The following PIP5K1B variants were observed in gnomAD, a reference collection of about 807,000 sequenced individuals.
PIP5K1B encodes the protein phosphatidylinositol-4-phosphate 5-kinase type 1 beta.
A neutral mutation model predicts 67.0 loss-of-function variants in PIP5K1B; 42 were observed. The observed-to-expected ratio is 0.63, with a 90% CI of 0.49 to 0.81. PIP5K1B has a LOEUF of 0.81. Among genes scored for constraint, PIP5K1B ranks in the 30% least tolerant of loss-of-function variants. The probability of loss-of-function intolerance (pLI) is 0.00; values close to 1 mark genes in which losing one functional copy is unlikely to be tolerated. For missense variants in PIP5K1B, 459 were observed against 646.3 expected (o/e 0.71, Z 3.14); for synonymous variants, 214 against 231.4 (o/e 0.92, Z 0.68).
chr9:68,929,258 T>G (rs979782995), intron 12 of PIP5K1B, among the ~76,000 whole-genome samples: 3 of 152,130 alleles, frequency 2.0e-5, no homozygotes, highest in African/African-American at 7.2e-5. Flanking sequence ...ATTGTAATTT[T>G]TATTTGTTGA....
intron 2 of PIP5K1B, among the ~76,000 whole-genome samples, chr9:68,794,714 T>C (rs886561769): frequency 6.9e-6 from 1 of 144,122 alleles, no homozygotes; most frequent in African/African-American, 2.5e-5. Context: ...AAAAAAAAAA[T>C]AGTTCATTGT....
At chr9:68,711,068 A>G (rs1827368817) in intron 1 of PIP5K1B, among the ~76,000 whole-genome samples, 1 of 152,210 alleles carries the variant, frequency 6.6e-6, no homozygotes, top group Non-Finnish European at 1.5e-5. Flanking sequence ...AGGACTGCAG[A>G]AAGTTCATTC....
chr9:68,894,644 G>C lies in PIP5K1B; in HGVS notation c.771+6G>C. 1.2e-6 allele frequency: 2 copies of C among 1,612,234 alleles called. No individual in the cohort carries two copies. Among genetic ancestry groups the C allele is most frequent in the Non-Finnish European group, 1.7e-6 (2 of 1,178,648 alleles). ...CACTTCAGAGAGACTGCCGGGTAAG[G>C]AAGTTTGATTGTTGTGATTTCCTTT... On this transcript the variant is annotated splice_donor_region_variant and intron_variant, in intron 8 of 15. Coordinates refer to ENST00000265382, the MANE Select transcript of PIP5K1B (RefSeq NM_003558.4).
intron 14 of PIP5K1B, among the ~76,000 whole-genome samples, chr9:68,942,051 A>G (rs569099538): frequency 5.2e-4 from 79 of 152,256 alleles, no homozygotes; most frequent in Middle Eastern, 3.4e-3. Flanking sequence ...AAATTATTTA[A>G]CTCATCTAAA....
intron 2 of PIP5K1B, among the ~76,000 whole-genome samples, chr9:68,776,818 G>A (rs1314379856): frequency 1.3e-5 from 2 of 152,094 alleles, no homozygotes; most frequent in African/African-American, 2.4e-5. Context: ...GAGGTTCCTT[G>A]GATCCTGCCT....
At chr9:68,941,973 C>T (rs959268563) in intron 14 of PIP5K1B, among the ~76,000 whole-genome samples, 24 of 152,104 alleles carry the variant, frequency 1.6e-4, no homozygotes, top group African/African-American at 4.8e-4. Flanking sequence ...CAAGGTGAGC[C>T]GCAAATCTTA....
rs541063143 is a variant in PIP5K1B at position 68,723,189 on chromosome 9, A to G, written c.-243+17427A>G. Among the ~76,000 whole-genome samples the G allele has an allele frequency of 9.4e-5, 3 of 31,922 alleles. No individual in the cohort carries two copies. In the East Asian group the frequency reaches 5.8e-3, roughly 62 times the overall value. The allele number at this position is 31,922 out of a possible 152,430, so 20.9% of individuals were successfully genotyped here. A position where few individuals can be genotyped will look rare whatever the true frequency, so the allele number is the denominator to read the frequency against. The stretch of plus-strand genomic sequence containing the variant: ...GTGTGTGTGTGTGTGTGAGAGAGAG[A>G]GAGAGAGAGGGAGAGAGAGAGAGAG... On this transcript the variant is annotated intron_variant, in intron 1 of 15. Coordinates refer to ENST00000265382, the MANE Select transcript of PIP5K1B (RefSeq NM_003558.4).
chr9:68,714,873 A>C (rs949435090), intron 1 of PIP5K1B, among the ~76,000 whole-genome samples: 2 of 152,192 alleles, frequency 1.3e-5, no homozygotes, highest in African/African-American at 2.4e-5. Flanking sequence ...GCAGTTCCCA[A>C]GGTGCACTCC....
intron 2 of PIP5K1B, among the ~76,000 whole-genome samples, chr9:68,809,063 C>A (rs1287360078): frequency 7.9e-5 from 12 of 152,274 alleles, no homozygotes. Context: ...ATTTAACATA[C>A]AGATTTTCTG....
chr9:68,987,060 C>T (rs908159159), intron 14 of PIP5K1B, among the ~76,000 whole-genome samples: 2 of 152,080 alleles, frequency 1.3e-5, no homozygotes, highest in African/African-American at 2.4e-5. Flanking sequence ...CAAGACCAGC[C>T]TGGCCAATAT....
intron 14 of PIP5K1B, among the ~76,000 whole-genome samples, chr9:68,990,925 G>A (rs930061893): frequency 1.3e-5 from 2 of 152,100 alleles, no homozygotes; most frequent in Non-Finnish European, 2.9e-5. Flanking sequence ...GCCTCCCAAA[G>A]TCCTGGGATT....
At chr9:68,945,177 G>A (rs144095479) in intron 14 of PIP5K1B, among the ~76,000 whole-genome samples, 164 of 151,686 alleles carry the variant, frequency 1.1e-3, no homozygotes, top group Non-Finnish European at 1.9e-3. Context: ...AGAGAGTCTC[G>A]CGCTGTGGCC....
chr9:68,790,331 C>T (rs904323449), intron 2 of PIP5K1B, among the ~76,000 whole-genome samples: 30 of 152,290 alleles, frequency 2.0e-4, no homozygotes, highest in African/African-American at 5.5e-4. Flanking sequence ...TGAAAACATT[C>T]CAGAATTGGT....
At chr9:68,782,591 C>G (rs934608540) in intron 2 of PIP5K1B, 1 of 167,054 alleles carries the variant, frequency 6.0e-6, no homozygotes, top group Admixed American at 6.5e-5. Context: ...ATTTTTACAA[C>G]TATGAGAGTA....
chr9:68,921,996 T>A (rs924099916), intron 11 of PIP5K1B, among the ~76,000 whole-genome samples: 7 of 152,244 alleles, frequency 4.6e-5, no homozygotes, highest in African/African-American at 1.7e-4. Flanking sequence ...TGTTTATTCA[T>A]GCCAAAGCGA....
intron 1 of PIP5K1B, among the ~76,000 whole-genome samples, chr9:68,733,361 CTGTT>C (rs1397885197): frequency 1.3e-5 from 2 of 152,168 alleles, no homozygotes; most frequent in African/African-American, 2.4e-5. Flanking sequence ...TCGTTTTTCT[CTGTT>C]TGTTCATTTT....
chr9:68,749,104 T>C (rs984550354), intron 2 of PIP5K1B, among the ~76,000 whole-genome samples: 2 of 152,220 alleles, frequency 1.3e-5, no homozygotes, highest in Non-Finnish European at 2.9e-5. Context: ...CCCCCAAAGA[T>C]ATCCACATCC....
In PIP5K1B at chr9:68,796,125, C is replaced by T. The variant is rs555059714; in HGVS notation, c.-85-22336C>T. ...CTAAATATGTATATGTGATTTCATA[C>T]GGTGATAGCATCCTGCTGTATATTC... On this transcript the variant is annotated intron_variant, in intron 2 of 15. Coordinates refer to ENST00000265382, the MANE Select transcript of PIP5K1B (RefSeq NM_003558.4). 2.0e-5 allele frequency among the ~76,000 whole-genome samples: 3 copies of T among 152,252 alleles called. No individual in the cohort carries two copies. The South Asian group carries it at 6.2e-4, about 32-fold the overall frequency.
At chr9:68,832,999 T>TA (rs1360224449) in intron 4 of PIP5K1B, among the ~76,000 whole-genome samples, 2 of 152,230 alleles carry the variant, frequency 1.3e-5, no homozygotes, top group African/African-American at 4.8e-5. Flanking sequence ...ACATTTGACT[T>TA]ACGTCCATGT....
Sources: gnomAD v4.1 joint callset for allele counts (sites outside exome capture counted in the v4.1 genomes callset) on GRCh38, gnomAD v4.1.1 for gene constraint, MANE v1.5 for transcripts, NCBI Gene and HGNC (gene_info 2026-07-23, HGNC 2026-07-21) for gene names.